The following ZNF423 variants were observed in gnomAD, a reference collection of about 807,000 sequenced individuals.
ZNF423 encodes zinc finger protein 423.
A neutral mutation model predicts 95.8 loss-of-function variants in ZNF423; 12 were observed. That is an observed-to-expected ratio of 0.13 (90% CI 0.08 to 0.20). The LOEUF (loss-of-function observed/expected upper bound fraction) is 0.20, where lower values mean the gene tolerates loss of function less well. ZNF423 is among the 10% of genes least tolerant of loss of function. The pLI, the probability that ZNF423 is intolerant of heterozygous loss-of-function variation, is 1.00. For synonymous variants in ZNF423, 749 were observed against 711.9 expected (o/e 1.05, Z -0.83); for missense variants, 1,316 against 1,737.1 (o/e 0.76, Z 4.31).
Position 49,536,330 on chromosome 16 carries a change from C to T in ZNF423, c.3602-10836G>A, listed in dbSNP as rs553957200. Among the ~76,000 whole-genome samples, 384 of 151,936 alleles carry T rather than the reference C, an allele frequency of 2.5e-3. 1 individual carries two copies. The highest frequency in any genetic ancestry group is 8.5e-3 in the African/African-American group (354 of 41,434). ...CAGCTGAAAAAAATAAACAATGAGA[C>T]TAGAAAATAATGACTGACTTCTATT... is the stretch of plus-strand genomic sequence containing the variant. On this transcript the variant is annotated intron_variant, in intron 5 of 7. Transcript: ENST00000563137.
chr16:49,615,130 T>TCTCACA (rs373291400), intron 5 of ZNF423, among the ~76,000 whole-genome samples: 5 of 141,154 alleles, frequency 3.5e-5, no homozygotes, highest in Non-Finnish European at 7.7e-5. Context: ...AAACTCCATC[T>TCTCACA]CACACACACA....
intron 3 of ZNF423, among the ~76,000 whole-genome samples, chr16:49,725,745 A>G (rs1453355704): frequency 6.6e-6 from 1 of 152,192 alleles, no homozygotes; most frequent in African/African-American, 2.4e-5. Context: ...AAAGAATATC[A>G]GGACTACAGC....
chr16:49,701,536 A>C (rs1224347123), intron 3 of ZNF423, among the ~76,000 whole-genome samples: 2 of 152,188 alleles, frequency 1.3e-5, no homozygotes, highest in African/African-American at 2.4e-5. Context: ...GGTTAATGAT[A>C]ATGAGACGGC....
Position 49,845,707 on chromosome 16 carries a change from A to ATT in ZNF423, c.40+10026_40+10027dup, listed in dbSNP as rs143348420. 2.2e-3 allele frequency among the ~76,000 whole-genome samples: 327 copies of ATT among 147,498 alleles called. 1 individual carries two copies. The highest frequency in any genetic ancestry group is 2.1e-3 in the Non-Finnish European group (138 of 66,556). On this transcript the variant is annotated intron_variant, in intron 1 of 7. Transcript: ENST00000563137. ...AGGCTCCTGCCACCACACCCTCCTA[A>ATT]TTTTTTTTTTATTTTTTGTAGAGAG...
chr16:49,829,357 T>G (rs1374672516), intron 1 of ZNF423, among the ~76,000 whole-genome samples: 1 of 152,186 alleles, frequency 6.6e-6, no homozygotes, highest in East Asian at 1.9e-4. Context: ...CCCAGCAGTG[T>G]AAACGAGCCC....
At chr16:49,774,460 C>G (rs552314518) in intron 2 of ZNF423, among the ~76,000 whole-genome samples, 46 of 152,246 alleles carry the variant, frequency 3.0e-4, no homozygotes, top group Admixed American at 6.5e-4. Flanking sequence ...CTTTAGATCT[C>G]AGACACAGAA....
At chr16:49,569,405 G>T (rs1243621392) in intron 5 of ZNF423, among the ~76,000 whole-genome samples, 2 of 152,184 alleles carry the variant, frequency 1.3e-5, no homozygotes, top group Non-Finnish European at 2.9e-5. Context: ...TTAGGGTCAG[G>T]GTTGGGAGGT....
intron 1 of ZNF423, among the ~76,000 whole-genome samples, chr16:49,810,985 T>C (rs533957783): frequency 7.2e-5 from 11 of 151,956 alleles, no homozygotes; most frequent in Middle Eastern, 3.4e-3. Context: ...AAACCACATC[T>C]TGGGAGGGGA....
At chr16:49,592,961 T>G (rs74018853) in intron 5 of ZNF423, among the ~76,000 whole-genome samples, 6,424 of 152,258 alleles carry the variant, frequency 0.042, 449 homozygotes, top group African/African-American at 0.15. Flanking sequence ...CGGTTGTGGG[T>G]CTGGAGAAGG....
At chr16:49,671,151 T>A (rs1200171822) in intron 3 of ZNF423, among the ~76,000 whole-genome samples, 3 of 152,206 alleles carry the variant, frequency 2.0e-5, no homozygotes, top group Non-Finnish European at 4.4e-5. Flanking sequence ...CCAGCTTCCC[T>A]CATTAGCTGT....
At chr16:49,799,363 G>A (rs186712195) in intron 1 of ZNF423, among the ~76,000 whole-genome samples, 2 of 152,282 alleles carry the variant, frequency 1.3e-5, no homozygotes, top group Admixed American at 1.3e-4. Context: ...GGAAAGACAG[G>A]AGAGCTGAGT....
intron 3 of ZNF423, among the ~76,000 whole-genome samples, chr16:49,652,692 G>A (rs958831662): frequency 3.9e-5 from 6 of 152,330 alleles, no homozygotes; most frequent in African/African-American, 4.8e-5. Flanking sequence ...AAATGCTTTC[G>A]GGGTTGAATC....
At chr16:49,513,535 C>A (rs1233847208) in intron 7 of ZNF423, among the ~76,000 whole-genome samples, 6 of 152,150 alleles carry the variant, frequency 3.9e-5, no homozygotes, top group African/African-American at 1.4e-4. Context: ...AATGGGCTCC[C>A]GGAATCTGTG....
chr16:49,632,326 C>T (rs774919657), intron 4 of ZNF423, among the ~76,000 whole-genome samples: 5 of 152,152 alleles, frequency 3.3e-5, no homozygotes, highest in African/African-American at 9.7e-5. Context: ...CCCTGTGAAA[C>T]CCCCAGAGTC....
intron 1 of ZNF423, among the ~76,000 whole-genome samples, chr16:49,829,638 C>T (rs965151306): frequency 1.2e-4 from 18 of 152,158 alleles, no homozygotes; most frequent in Admixed American, 5.2e-4. Context: ...CTCCGCTGCA[C>T]AGGTTCACCA....
At chr16:49,672,678 T>C (rs544878025) in intron 3 of ZNF423, among the ~76,000 whole-genome samples, 18 of 152,160 alleles carry the variant, frequency 1.2e-4, no homozygotes, top group Non-Finnish European at 2.2e-4. Flanking sequence ...TAGCCAGGCA[T>C]GGTGGCACAT....
At position 49,487,657 on chromosome 16, in the gene ZNF423, G is replaced by T. The variant is rs1263833132; in HGVS notation, c.*3618C>A. 3 of 152,308 alleles carry T rather than the reference G, an allele frequency of 2.0e-5. No homozygotes were observed. In the East Asian group the frequency reaches 5.8e-4, roughly 29 times the overall value. 9.4% of individuals were successfully genotyped at this position (152,308 alleles called of 1,614,324 possible). On this transcript the variant is annotated 3_prime_UTR_variant, in exon 8 of 8. Transcript: ENST00000563137. ...TATAGTCGCAAGTCTATCCTGAATG[G>T]TATGATCTTGGACAAGATTCTGAAC...
intron 3 of ZNF423, among the ~76,000 whole-genome samples, chr16:49,688,729 A>T (rs1425207823): frequency 1.3e-5 from 2 of 152,224 alleles, no homozygotes; most frequent in African/African-American, 4.8e-5. Context: ...GTGATAAATG[A>T]GAGACTCAAT....
rs74517033 is a variant in ZNF423, at chr16:49,524,193, A to T, written c.3734-454T>A. ...ACAGGTGCTATTATCCCCATTTTAT[A>T]CAAGAGAAAACTGAGGTGCCAGGAA... On this transcript the variant is annotated intron_variant, in intron 6 of 7. Transcript: ENST00000563137. Among the ~76,000 whole-genome samples the T allele has an allele frequency of 6.6e-5, 10 of 152,296 alleles. No individual in the cohort carries two copies. In the East Asian group the frequency reaches 1.7e-3, roughly 26 times the overall value.
Sources: gnomAD v4.1 joint callset for allele counts (sites outside exome capture counted in the v4.1 genomes callset) on GRCh38, gnomAD v4.1.1 for gene constraint, MANE v1.5 for transcripts, NCBI Gene and HGNC (gene_info 2026-07-23, HGNC 2026-07-21) for gene names.